The following MAF variants were observed in gnomAD, a reference collection of about 807,000 sequenced individuals.
The protein encoded by MAF is MAF bZIP transcription factor, also known as transcription factor Maf.
A neutral mutation model predicts 22.0 loss-of-function variants in MAF; 10 were observed. The observed-to-expected ratio is 0.45, with a 90% CI of 0.28 to 0.77. The LOEUF is 0.77. MAF is among the 30% of genes least tolerant of loss of function. MAF has a pLI of 0.12. For missense variants in MAF, 544 were observed against 548.4 expected (o/e 0.99, Z 0.08); for synonymous variants, 337 against 255.8 (o/e 1.32, Z -3.03).
At chr16:79,415,996 C>T in the MAF span, among the ~76,000 whole-genome samples, 1 of 152,084 alleles carries the variant, frequency 6.6e-6, no homozygotes. Context: ...GTGAGACCTT[C>T]CCTACCTCCT....
chr16:79,384,263 G>C, the MAF span, among the ~76,000 whole-genome samples: 1 of 152,012 alleles, frequency 6.6e-6, no homozygotes, highest in African/African-American at 2.4e-5. Flanking sequence ...GGCCAACATG[G>C]TGAAACCCCA....
At chr16:79,578,913 G>C in the MAF span, among the ~76,000 whole-genome samples, 9 of 152,184 alleles carry the variant, frequency 5.9e-5, no homozygotes, top group South Asian at 1.7e-3. Flanking sequence ...AAATACAGCA[G>C]AGTCCCCCTA....
the MAF span, among the ~76,000 whole-genome samples, chr16:79,468,007 A>G: frequency 6.6e-6 from 1 of 152,138 alleles, no homozygotes; most frequent in South Asian, 2.1e-4. Flanking sequence ...TTATTGATTG[A>G]TCAGACATCA....
the MAF span, among the ~76,000 whole-genome samples, chr16:79,255,250 G>T: frequency 6.6e-6 from 1 of 152,194 alleles, no homozygotes; most frequent in East Asian, 1.9e-4. Context: ...GGTTAGCTTT[G>T]CCTTTTCTGT....
At chr16:79,395,073 G>C in the MAF span, among the ~76,000 whole-genome samples, 6 of 152,198 alleles carry the variant, frequency 3.9e-5, no homozygotes, top group African/African-American at 1.4e-4. Flanking sequence ...TCTAGATCAA[G>C]AATCTACCCC....
chr16:79,461,473 G>A, the MAF span, among the ~76,000 whole-genome samples: 18 of 152,168 alleles, frequency 1.2e-4, no homozygotes, highest in Admixed American at 9.2e-4. Context: ...AGATGGGAAA[G>A]AAAGACCATG....
At chr16:79,481,707 C>A in the MAF span, among the ~76,000 whole-genome samples, 1 of 152,076 alleles carries the variant, frequency 6.6e-6, no homozygotes, top group Non-Finnish European at 1.5e-5. Flanking sequence ...CAGCCATCCA[C>A]CCACCCATCC....
At chr16:79,490,247 A>T in the MAF span, among the ~76,000 whole-genome samples, 1 of 152,332 alleles carries the variant, frequency 6.6e-6, no homozygotes, top group African/African-American at 2.4e-5. Context: ...TCCTGGACAC[A>T]GGCACGGCTG....
the MAF span, among the ~76,000 whole-genome samples, chr16:79,428,618 T>A: frequency 8.4e-3 from 1,274 of 152,048 alleles, 19 homozygotes; most frequent in African/African-American, 0.03. Context: ...GGCAGGTGGA[T>A]CACTTGAGGC....
chr16:79,584,343 T>C (rs1028412338), downstream of MAF, among the ~76,000 whole-genome samples: 3 of 152,206 alleles, frequency 2.0e-5, no homozygotes, highest in Non-Finnish European at 2.9e-5. Flanking sequence ...TATTGAACTT[T>C]TCATATATCA....
At chr16:79,481,454 C>T in the MAF span, among the ~76,000 whole-genome samples, 14 of 152,142 alleles carry the variant, frequency 9.2e-5, no homozygotes, top group African/African-American at 3.4e-4. Context: ...TACTCATCTA[C>T]TTCCCGTCTC....
the MAF span, among the ~76,000 whole-genome samples, chr16:79,379,109 A>C: frequency 6.6e-6 from 1 of 152,216 alleles, no homozygotes; most frequent in African/African-American, 2.4e-5. Context: ...AATTATTGGC[A>C]ATAATTTTAA....
At chr16:79,326,829 C>G in the MAF span, among the ~76,000 whole-genome samples, 2 of 152,168 alleles carry the variant, frequency 1.3e-5, no homozygotes, top group African/African-American at 4.8e-5. Context: ...CAAATATCAC[C>G]AGTAATTCTT....
chr16:79,289,852 G>GTTTTTTTTTT, the MAF span, among the ~76,000 whole-genome samples: 3 of 26,424 alleles, frequency 1.1e-4, no homozygotes, highest in Non-Finnish European at 1.5e-4. Context: ...GTTTGTTTGT[G>GTTTTTTTTTT]TATTTTTTTT....
At chr16:79,469,082 AG>A in the MAF span, among the ~76,000 whole-genome samples, 1 of 152,140 alleles carries the variant, frequency 6.6e-6, no homozygotes, top group African/African-American at 2.4e-5. Context: ...CAAGTGCCCA[AG>A]GGCCCAACTC....
At chr16:79,445,335 G>A in the MAF span, among the ~76,000 whole-genome samples, 5 of 152,112 alleles carry the variant, frequency 3.3e-5, no homozygotes, top group Admixed American at 2.6e-4. Flanking sequence ...GAGCCACTGC[G>A]CCCGGCCAAC....
chr16:79,416,877 G>C, the MAF span, among the ~76,000 whole-genome samples: 1 of 152,184 alleles, frequency 6.6e-6, no homozygotes, highest in Non-Finnish European at 1.5e-5. Flanking sequence ...GTTTTAGGAA[G>C]ATGGTAGACA....
At chr16:79,241,286 G>C in the MAF span, among the ~76,000 whole-genome samples, 1 of 151,974 alleles carries the variant, frequency 6.6e-6, no homozygotes, top group Non-Finnish European at 1.5e-5. Flanking sequence ...AGGAAGCTAA[G>C]AATCTTGAAA....
the MAF span, among the ~76,000 whole-genome samples, chr16:79,562,860 GCC>G: frequency 1.3e-5 from 2 of 152,148 alleles, no homozygotes; most frequent in African/African-American, 4.8e-5. Context: ...CTGGATTCAG[GCC>G]CCTCCCCAGG....
Sources: allele counts gnomAD v4.1 joint callset (sites outside exome capture counted in the v4.1 genomes callset), GRCh38; gene constraint gnomAD v4.1.1; transcripts MANE v1.5; gene names NCBI Gene and HGNC (gene_info 2026-07-23, HGNC 2026-07-21).